The following NEBL variants were observed in gnomAD, a reference collection of about 807,000 sequenced individuals.
The protein encoded by NEBL is nebulette.
Under a neutral mutation model 140.2 loss-of-function variants are expected in NEBL, and 122 were observed. The observed-to-expected ratio is 0.87, with a 90% CI of 0.75 to 1.01. NEBL has a LOEUF of 1.01. Ranked by LOEUF, NEBL falls within the 50% of genes least tolerant of loss-of-function variation. The pLI is 0.00. For synonymous variants in NEBL, 436 were observed against 398.9 expected (o/e 1.09, Z -1.11); for missense variants, 1,365 against 1,231.3 (o/e 1.11, Z -1.62).
intron 1 of NEBL, among the ~76,000 whole-genome samples, chr10:21,258,580 C>T (rs535405313): frequency 6.6e-6 from 1 of 152,278 alleles, no homozygotes; most frequent in Admixed American, 6.5e-5. Context: ...TGGCGGGCGC[C>T]TGTAATCCCA....
chr10:21,172,336 A>G (rs772719478), intron 2 of NEBL: 1 of 1,474,866 alleles, frequency 6.8e-7, no homozygotes, highest in Admixed American at 1.7e-5. Context: ...CTGGCTCTCA[A>G]GCTCTGAGGC....
intron 3 of NEBL, among the ~76,000 whole-genome samples, chr10:21,015,227 G>A (rs1838506312): frequency 6.6e-6 from 1 of 152,156 alleles, no homozygotes; most frequent in African/African-American, 2.4e-5. Context: ...GTGGGAAGAT[G>A]AGGAGAGTCG....
intron 2 of NEBL, among the ~76,000 whole-genome samples, chr10:21,046,025 G>A (rs758429859): frequency 2.9e-5 from 4 of 136,500 alleles, no homozygotes; most frequent in East Asian, 2.2e-4. Context: ...ACACACACAC[G>A]TGTGTGCACT....
intron 26 of NEBL, among the ~76,000 whole-genome samples, chr10:20,807,765 G>A (rs555504173): frequency 2.9e-4 from 44 of 152,098 alleles, no homozygotes; most frequent in African/African-American, 8.7e-4. Flanking sequence ...CCCCCTCCTT[G>A]CTGTACTAAA....
At chr10:20,912,406 G>C (rs12269702) in intron 4 of NEBL, among the ~76,000 whole-genome samples, 21 of 152,282 alleles carry the variant, frequency 1.4e-4, no homozygotes, top group East Asian at 5.8e-4. Flanking sequence ...CGCTACGATC[G>C]TGCCACTGCA....
chr10:20,980,954 T>G (rs956839484), intron 3 of NEBL, among the ~76,000 whole-genome samples: 9 of 152,174 alleles, frequency 5.9e-5, no homozygotes, highest in African/African-American at 1.9e-4. Context: ...CTAACATTTT[T>G]TATTCCTTTT....
At chr10:21,072,170 G>A (rs1310702621) in intron 2 of NEBL, among the ~76,000 whole-genome samples, 7 of 151,904 alleles carry the variant, frequency 4.6e-5, no homozygotes, top group African/African-American at 1.7e-4. Context: ...CATGCTCTCT[G>A]CAGCTCCCAG....
At chr10:20,850,903 A>G (rs1487928698) in intron 10 of NEBL, among the ~76,000 whole-genome samples, 1 of 152,224 alleles carries the variant, frequency 6.6e-6, no homozygotes, top group Non-Finnish European at 1.5e-5. Flanking sequence ...ATCAAGAACA[A>G]GAAAGAAAAC....
chr10:21,069,967 C>T (rs1163033977), intron 2 of NEBL: 3 of 456,144 alleles, frequency 6.6e-6, no homozygotes, highest in African/African-American at 6.0e-5. Context: ...GGCTTAGGGA[C>T]TGCGCCCCTG....
chr10:20,934,499 T>C (rs1213800642), intron 4 of NEBL, among the ~76,000 whole-genome samples: 1 of 152,142 alleles, frequency 6.6e-6, no homozygotes, highest in African/African-American at 2.4e-5. Context: ...CTGTGGAATA[T>C]GGATGGACGT....
At chr10:20,866,548 C>A (rs1484690623) in intron 7 of NEBL, among the ~76,000 whole-genome samples, 1 of 152,152 alleles carries the variant, frequency 6.6e-6, no homozygotes, top group Non-Finnish European at 1.5e-5. Flanking sequence ...ACGTGCACAA[C>A]TATATCCTCT....
chr10:21,271,222 A>C (rs571733758), intron 1 of NEBL, among the ~76,000 whole-genome samples: 1 of 152,318 alleles, frequency 6.6e-6, no homozygotes, highest in East Asian at 1.9e-4. Flanking sequence ...AACCTAGAGG[A>C]TGTTATGCTA....
intron 3 of NEBL, among the ~76,000 whole-genome samples, chr10:20,980,786 G>A (rs1837007853): frequency 6.6e-6 from 1 of 152,170 alleles, no homozygotes; most frequent in South Asian, 2.1e-4. Flanking sequence ...AAGTGAGACT[G>A]ATTTTCTTTG....
rs367986765 is a variant in NEBL, at chr10:20,812,889, C to T, written c.2398G>A (p.Val800Ile). ...EKTKGRGFTP[V>I]VDDPVTERVR... Reference sequence around the variant, plus strand: ...CTCTCTGTCACAGGATCGTCCACGACGGGAGTAAAGCCTCTCCCCTTTGTT... The same window carrying T: ...CTCTCTGTCACAGGATCGTCCACGATGGGAGTAAAGCCTCTCCCCTTTGTT... The change falls in exon 24 of 28, where the codon GTC becomes ATC. Residue 800 changes from valine (V) to isoleucine (I), a missense_variant. Physicochemically the swap from Val to Ile is conservative, Grantham distance 29. This residue lies in a region of NEBL where 1,323 missense variants were observed against 1,154.8 expected (regional missense o/e 1.15). Coordinates refer to ENST00000377122, the MANE Select transcript of NEBL (RefSeq NM_006393.3). 7.6e-5 allele frequency: 122 copies of T among 1,613,970 alleles called. No individual in the cohort carries two copies. Among genetic ancestry groups the T allele is most frequent in the Middle Eastern group, 1.7e-4 (1 of 6,060 alleles).
intron 2 of NEBL, among the ~76,000 whole-genome samples, chr10:21,108,789 G>C (rs1837835707): frequency 6.6e-6 from 1 of 152,054 alleles, no homozygotes; most frequent in East Asian, 1.9e-4. Context: ...ATTATTGTGT[G>C]GGAGTCTAAG....
At chr10:20,955,430 T>C (rs1835751721) in intron 4 of NEBL, among the ~76,000 whole-genome samples, 1 of 152,220 alleles carries the variant, frequency 6.6e-6, no homozygotes, top group South Asian at 2.1e-4. Context: ...GGGGCTGGGC[T>C]GTCATTTACA....
chr10:21,020,788 C>G (rs1838759801), intron 2 of NEBL, among the ~76,000 whole-genome samples: 1 of 152,096 alleles, frequency 6.6e-6, no homozygotes, highest in Non-Finnish European at 1.5e-5. Context: ...TGGTTCCTTC[C>G]CTGTCTCCTG....
intron 2 of NEBL, among the ~76,000 whole-genome samples, chr10:21,169,044 G>A (rs1291033044): frequency 3.3e-4 from 15 of 44,780 alleles, no homozygotes; most frequent in African/African-American, 1.3e-3. Context: ...GTGAGACTCC[G>A]TCTACAAAAA....
chr10:20,893,246 G>A (rs1442591081), intron 2 of NEBL, among the ~76,000 whole-genome samples: 1 of 152,058 alleles, frequency 6.6e-6, no homozygotes, highest in Admixed American at 6.5e-5. Flanking sequence ...ACTAGATCCA[G>A]GATTCTGAAT....
Sources: allele counts gnomAD v4.1 joint callset (sites outside exome capture counted in the v4.1 genomes callset), GRCh38; gene constraint gnomAD v4.1.1; regional missense constraint gnomAD v4.1.1; transcripts MANE v1.5; gene names NCBI Gene and HGNC (gene_info 2026-07-23, HGNC 2026-07-21).